The following SLC5A1 variants were observed in gnomAD, a reference collection of about 807,000 sequenced individuals.
SLC5A1 encodes sodium/glucose cotransporter 1.
In SLC5A1, 42 loss-of-function variants were observed where a neutral mutation model predicts 73.5. The ratio of observed to expected loss-of-function variants is 0.57; its 90% CI spans 0.45 to 0.74. The LOEUF is 0.74. Among genes scored for constraint, SLC5A1 ranks in the 30% least tolerant of loss-of-function variants. The probability of loss-of-function intolerance (pLI) is 0.00; values close to 1 mark genes in which losing one functional copy is unlikely to be tolerated. For synonymous variants in SLC5A1, 300 were observed against 317.4 expected (o/e 0.95, Z 0.58); for missense variants, 634 against 855.4 (o/e 0.74, Z 3.23).
chr22:32,072,232 G>A (rs750071693), intron 5 of SLC5A1, among the ~76,000 whole-genome samples: 2 of 151,924 alleles, frequency 1.3e-5, no homozygotes, highest in African/African-American at 4.8e-5. Flanking sequence ...CCTCAAGTAC[G>A]CCCCAGTGTC....
intron 2 of SLC5A1, among the ~76,000 whole-genome samples, chr22:32,065,737 T>A (rs1050380501): frequency 6.6e-6 from 1 of 152,208 alleles, no homozygotes; most frequent in Non-Finnish European, 1.5e-5. Flanking sequence ...TCTGAGAACT[T>A]CTTCTGGCTA....
At chr22:32,105,363 G>A (rs1228162482) in intron 14 of SLC5A1, among the ~76,000 whole-genome samples, 3 of 148,666 alleles carry the variant, frequency 2.0e-5, no homozygotes, top group East Asian at 2.0e-4. Flanking sequence ...GCGCAATCTC[G>A]GCTCACTGCA....
intron 6 of SLC5A1, among the ~76,000 whole-genome samples, 185 bp downstream of exon 6, chr22:32,082,156 G>A (rs889562481): frequency 6.6e-6 from 1 of 152,164 alleles, no homozygotes; most frequent in South Asian, 2.1e-4. Context: ...AGTGGTTTCA[G>A]AAAGCTGTGG....
chr22:32,045,311 T>A (rs991959031), intron 1 of SLC5A1, among the ~76,000 whole-genome samples: 2 of 152,268 alleles, frequency 1.3e-5, no homozygotes, highest in Non-Finnish European at 2.9e-5. Flanking sequence ...GGTGTTTACA[T>A]GTTTCAAGTA....
At chr22:32,103,547 G>C (rs1269042992) in intron 13 of SLC5A1, among the ~76,000 whole-genome samples, 1 of 152,196 alleles carries the variant, frequency 6.6e-6, no homozygotes, top group Non-Finnish European at 1.5e-5. Context: ...GACAGCTCAG[G>C]TGCGTAAGAT....
rs755661593 is a variant in SLC5A1, at chr22:32,096,880, G to A, written c.1281-2303G>A. Among the ~76,000 whole-genome samples, 17 of 152,290 alleles carry A rather than the reference G, an allele frequency of 1.1e-4. 1 individual carries two copies. Among genetic ancestry groups the A allele is most frequent in the Admixed American group, 6.5e-4 (10 of 15,298 alleles). ...TCTCATTTTCAAGATTGGAATGAAC[G>A]AAGCAAAGCAAACATGGTAGGCCAC... On this transcript the variant is annotated intron_variant, in intron 11 of 14. Transcript: ENST00000266088.
intron 10 of SLC5A1, 91 bp from the exon 11 acceptor site, chr22:32,091,521 A>T: frequency 6.9e-7 from 1 of 1,454,768 alleles, no homozygotes; most frequent in South Asian, 1.2e-5. Flanking sequence ...TGGTTTCAGA[A>T]GGCAAACAAA....
intron 9 of SLC5A1, among the ~76,000 whole-genome samples, chr22:32,085,269 G>A (rs1183141128): frequency 6.6e-6 from 1 of 151,954 alleles, no homozygotes; most frequent in African/African-American, 2.4e-5. Flanking sequence ...CTACAGGTAT[G>A]TACCACCATG....
chr22:32,057,101 A>T (rs1274473202), intron 2 of SLC5A1, among the ~76,000 whole-genome samples: 3 of 152,230 alleles, frequency 2.0e-5, no homozygotes, highest in Non-Finnish European at 4.4e-5. Context: ...CGGAACCAAG[A>T]TTAGAACCAG....
chr22:32,097,927 A>G (rs1430901664), intron 11 of SLC5A1, among the ~76,000 whole-genome samples: 1 of 152,266 alleles, frequency 6.6e-6, no homozygotes, highest in East Asian at 1.9e-4. Context: ...CCAAATTAAG[A>G]AACAGCCAAA....
chr22:32,073,855 G>A (rs929777874), intron 5 of SLC5A1, among the ~76,000 whole-genome samples: 4 of 152,122 alleles, frequency 2.6e-5, no homozygotes, highest in Non-Finnish European at 4.4e-5. Context: ...CACTGCGCCC[G>A]GCCCCCGGGT....
intron 5 of SLC5A1, among the ~76,000 whole-genome samples, chr22:32,078,384 C>T (rs780063823): frequency 7.9e-5 from 12 of 152,110 alleles, no homozygotes; most frequent in East Asian, 1.9e-4. Flanking sequence ...TCTCCTGCCT[C>T]GGCCTCCCAG....
chr22:32,076,687 C>T (rs1055557714), intron 5 of SLC5A1, among the ~76,000 whole-genome samples: 6 of 152,322 alleles, frequency 3.9e-5, no homozygotes, highest in African/African-American at 1.4e-4. Flanking sequence ...CGAGGCTAGG[C>T]AGGATTTATC....
intron 10 of SLC5A1, among the ~76,000 whole-genome samples, chr22:32,087,744 A>G (rs1423925472): frequency 6.6e-6 from 1 of 152,196 alleles, no homozygotes; most frequent in Non-Finnish European, 1.5e-5. Context: ...TCAGGAGAAC[A>G]AAACTTCAAA....
At chr22:32,097,653 A>G (rs1367585074) in intron 11 of SLC5A1, among the ~76,000 whole-genome samples, 1 of 152,168 alleles carries the variant, frequency 6.6e-6, no homozygotes, top group Non-Finnish European at 1.5e-5. Context: ...GAAGAAGACA[A>G]AAGGGAAGAA....
At position 32,109,867 on chromosome 22, in the gene SLC5A1, A is replaced by C; in HGVS notation, c.1772-123A>C. On this transcript the variant is annotated intron_variant, in intron 14 of 14. Transcript: ENST00000266088. ...AGAAAATATGGGGGAAATTTGGGGA[A>C]ATTTCTCATTTTTGGGAAATTTCTG... 4.1e-6 allele frequency: 3 copies of C among 734,184 alleles called. No individual in the cohort carries two copies. In the South Asian group the frequency reaches 4.8e-5, roughly 12 times the overall value. 45.5% of individuals were successfully genotyped at this position (734,184 alleles called of 1,614,324 possible). A position where few individuals can be genotyped will look rare whatever the true frequency, so the allele number is the denominator to read the frequency against.
chr22:32,053,152 C>G (rs1185105821), intron 2 of SLC5A1, among the ~76,000 whole-genome samples: 1 of 152,130 alleles, frequency 6.6e-6, no homozygotes, highest in Non-Finnish European at 1.5e-5. Context: ...TTTTCTCGGT[C>G]TGAGTCGAGG....
chr22:32,108,443 A>C (rs2094050192), intron 14 of SLC5A1, among the ~76,000 whole-genome samples: 1 of 152,042 alleles, frequency 6.6e-6, no homozygotes, highest in African/African-American at 2.4e-5. Flanking sequence ...TGTATTTCTC[A>C]CTTGAGGTCA....
intron 6 of SLC5A1, 37 bp downstream of exon 6, chr22:32,082,008 G>A: frequency 7.5e-7 from 1 of 1,331,100 alleles, no homozygotes; most frequent in South Asian, 1.2e-5. Context: ...CTCAAACCCA[G>A]CTCGGGATCA....
Sources: gnomAD v4.1 joint callset for allele counts (sites outside exome capture counted in the v4.1 genomes callset) on GRCh38, gnomAD v4.1.1 for gene constraint, MANE v1.5 for transcripts, NCBI Gene and HGNC (gene_info 2026-07-23, HGNC 2026-07-21) for gene names.